TUSC3: variants seen among roughly 807,000 people sequenced by gnomAD.
TUSC3 encodes dolichyl-diphosphooligosaccharide--protein glycosyltransferase subunit TUSC3.
Under a neutral mutation model 44.8 loss-of-function variants are expected in TUSC3, and 45 were observed. The ratio of observed to expected loss-of-function variants is 1.00; its 90% CI spans 0.79 to 1.29. The LOEUF is 1.29. TUSC3 is among the 50% of genes most tolerant of loss of function. The pLI, the probability that TUSC3 is intolerant of heterozygous loss-of-function variation, is 0.00. For missense variants in TUSC3, 519 were observed against 437.9 expected, an observed-to-expected ratio of 1.19 and a Z score of -1.65; for synonymous variants, 212 against 152.9, an observed-to-expected ratio of 1.39 and a Z score of -2.85.
upstream of TUSC3, among the ~76,000 whole-genome samples, chr8:15,536,161 GAC>G (rs1315303592): frequency 6.6e-6 from 1 of 152,144 alleles, no homozygotes; most frequent in African/African-American, 2.4e-5. Context: ...AAAGTGTAGA[GAC>G]AGAGTCTGCA....
intron 1 of TUSC3, among the ~76,000 whole-genome samples, chr8:15,583,077 A>G (rs7007500): frequency 1.3e-5 from 2 of 152,146 alleles, no homozygotes; most frequent in African/African-American, 4.8e-5. Context: ...TGGAATACAA[A>G]TGAGAATGAA....
intron 10 of TUSC3, chr8:15,758,092 G>T (rs1812007311): frequency 7.8e-7 from 1 of 1,285,998 alleles, no homozygotes; most frequent in East Asian, 3.1e-5. Flanking sequence ...TCATTTGACA[G>T]ATGCAATGCT....
chr8:15,486,519 A>C (rs768672702), intron 2 of TUSC3, among the ~76,000 whole-genome samples: 4 of 152,002 alleles, frequency 2.6e-5, no homozygotes, highest in Non-Finnish European at 5.9e-5. Flanking sequence ...GTCTCGCCTC[A>C]CTGCAACCTC....
At chr8:15,536,958 A>G (rs1487804954), upstream of TUSC3, among the ~76,000 whole-genome samples, 1 of 152,078 alleles carries the variant, frequency 6.6e-6, no homozygotes, top group Non-Finnish European at 1.5e-5. Flanking sequence ...ACAAGGAAAA[A>G]AAAATATATC....
chr8:15,786,292 G>A, the TUSC3 span, among the ~76,000 whole-genome samples: 1 of 152,124 alleles, frequency 6.6e-6, no homozygotes, highest in African/African-American at 2.4e-5. Flanking sequence ...GAAGTAGTAA[G>A]TTATTAAATA....
intron 6 of TUSC3, among the ~76,000 whole-genome samples, chr8:15,719,084 C>T (rs1005601163): frequency 6.6e-6 from 1 of 152,220 alleles, no homozygotes; most frequent in East Asian, 1.9e-4. Context: ...TAAACTTTCC[C>T]TGGTCTCCTT....
rs142566710 is a variant in TUSC3 at position 15,448,885 on chromosome 8, A to G, written n.91+31580A>G. 7.3e-3 allele frequency among the ~76,000 whole-genome samples: 1,105 copies of G among 152,296 alleles called. 17 individuals carry two copies. The highest frequency in any genetic ancestry group is 0.025 in the African/African-American group (1,046 of 41,546). Reference sequence around the variant, plus strand: ...ATCATAGTAGAGGTGAAAAATTTCTATCACCTAGTGACGTAGCCATTATAA... The same window carrying G: ...ATCATAGTAGAGGTGAAAAATTTCTGTCACCTAGTGACGTAGCCATTATAA... On this transcript the variant is annotated intron_variant and non_coding_transcript_variant, in intron 1 of 5. Coordinates refer to the TUSC3 transcript ENST00000503191.
chr8:15,631,048 T>C (rs763194085), intron 2 of TUSC3, among the ~76,000 whole-genome samples: 2 of 152,190 alleles, frequency 1.3e-5, no homozygotes, highest in Non-Finnish European at 2.9e-5. Flanking sequence ...ATTTTTAAGT[T>C]TCCTTAAATT....
the TUSC3 span, among the ~76,000 whole-genome samples, chr8:15,773,093 T>G: frequency 6.6e-6 from 1 of 152,318 alleles, no homozygotes; most frequent in African/African-American, 2.4e-5. Context: ...AATGCCTACT[T>G]TCGCCACCTC....
At chr8:15,665,818 G>A (rs1231689735) in intron 5 of TUSC3, among the ~76,000 whole-genome samples, 1 of 151,010 alleles carries the variant, frequency 6.6e-6, no homozygotes. Context: ...AAATCTTCCT[G>A]GTCTCATGCT....
At chr8:15,793,205 C>T in the TUSC3 span, among the ~76,000 whole-genome samples, 2 of 152,084 alleles carry the variant, frequency 1.3e-5, no homozygotes, top group Non-Finnish European at 2.9e-5. Flanking sequence ...TTTCTCTCCT[C>T]AGTCAATCCA....
chr8:15,764,373 C>T lies in TUSC3; in HGVS notation c.*217C>T, dbSNP rs1201787189. ...GGGTTTTCCTAGTAAATTTAATTTACAGAAATCAATGGTAGCATTTAGTAA... is the reference window on the plus strand; with the variant it reads ...GGGTTTTCCTAGTAAATTTAATTTATAGAAATCAATGGTAGCATTTAGTAA... On this transcript the variant is annotated 3_prime_UTR_variant, in exon 11 of 11. Transcript: ENST00000503731. The T allele has an allele frequency of 1.7e-5, 13 of 747,286 alleles. No individual in the cohort carries two copies. Among genetic ancestry groups the T allele is most frequent in the East Asian group, 3.0e-5 (1 of 33,582 alleles). 46.3% of individuals were successfully genotyped at this position (747,286 alleles called of 1,614,324 possible). A position where few individuals can be genotyped will look rare whatever the true frequency, so the allele number is the denominator to read the frequency against.
chr8:15,717,387 G>C (rs537735495), intron 6 of TUSC3, among the ~76,000 whole-genome samples: 1 of 152,154 alleles, frequency 6.6e-6, no homozygotes, highest in East Asian at 1.9e-4. Context: ...TGAGAGTAAC[G>C]AAGAGACTGC....
the TUSC3 span, among the ~76,000 whole-genome samples, chr8:15,793,755 A>T: frequency 6.6e-6 from 1 of 152,328 alleles, no homozygotes; most frequent in African/African-American, 2.4e-5. Context: ...CAAAATGTGG[A>T]ACAACACCTG....
chr8:15,821,990 T>A, the TUSC3 span, among the ~76,000 whole-genome samples: 1 of 152,168 alleles, frequency 6.6e-6, no homozygotes, highest in African/African-American at 2.4e-5. Context: ...TGATGATGAT[T>A]TGATAAGGCT....
chr8:15,744,723 G>A (rs1020665228), intron 8 of TUSC3, among the ~76,000 whole-genome samples: 1 of 152,040 alleles, frequency 6.6e-6, no homozygotes, highest in African/African-American at 2.4e-5. Context: ...ACTTTATCAT[G>A]TTGAATTTTA....
At chr8:15,508,803 T>C (rs1482842549) in intron 2 of TUSC3, among the ~76,000 whole-genome samples, 2 of 152,140 alleles carry the variant, frequency 1.3e-5, no homozygotes, top group Non-Finnish European at 2.9e-5. Context: ...AAGTAGGCAT[T>C]AATAAAGATA....
intron 2 of TUSC3, among the ~76,000 whole-genome samples, chr8:15,527,591 G>T (rs540624573): frequency 1.3e-5 from 2 of 152,186 alleles, no homozygotes; most frequent in South Asian, 4.2e-4. Context: ...TTTTTTGAGA[G>T]CTATGGTCTT....
chr8:15,472,632 C>G (rs1297692020), intron 1 of TUSC3, among the ~76,000 whole-genome samples: 1 of 152,088 alleles, frequency 6.6e-6, no homozygotes, highest in African/African-American at 2.4e-5. Context: ...GCTCATTTCA[C>G]TATGTTGAGG....
Sources: allele counts gnomAD v4.1 joint callset (sites outside exome capture counted in the v4.1 genomes callset), GRCh38; gene constraint gnomAD v4.1.1; transcripts MANE v1.5; gene names NCBI Gene and HGNC (gene_info 2026-07-23, HGNC 2026-07-21).